The following CFAP44 variants were observed in gnomAD, a reference collection of about 807,000 sequenced individuals.
The protein encoded by CFAP44 is cilia- and flagella-associated protein 44.
Under a neutral mutation model 216.2 loss-of-function variants are expected in CFAP44, and 134 were observed. That is an observed-to-expected ratio of 0.62 (90% confidence interval 0.54 to 0.72). The LOEUF (loss-of-function observed/expected upper bound fraction) is 0.72, where lower values mean the gene tolerates loss of function less well. Among genes scored for constraint, CFAP44 ranks in the 30% least tolerant of loss-of-function variants. CFAP44 has a pLI of 0.00. For missense variants in CFAP44, 2,035 were observed against 2,182.1 expected, an observed-to-expected ratio of 0.93 and a Z score of 1.34; for synonymous variants, 700 against 727.6, an observed-to-expected ratio of 0.96 and a Z score of 0.61.
intron 32 of CFAP44, among the ~76,000 whole-genome samples, chr3:113,300,085 C>T (rs866145955): frequency 2.6e-5 from 4 of 152,154 alleles, no homozygotes; most frequent in Admixed American, 1.3e-4. Flanking sequence ...GAAGTCATTA[C>T]ATTAAGTGAA....
At chr3:113,319,503 C>T (rs765406691) in intron 28 of CFAP44, among the ~76,000 whole-genome samples, 9 of 152,044 alleles carry the variant, frequency 5.9e-5, no homozygotes, top group Admixed American at 3.9e-4. Flanking sequence ...CCTCAACATC[C>T]CACTGACAGC....
At position 113,330,073 on chromosome 3, in the gene CFAP44, A is replaced by T; in HGVS notation, c.4116+95T>A. ...GTCAGGGTTTGGGAAAGGTTCATGC[A>T]GAGAAATTTTAAATAAATAAACAAA... On this transcript the variant is annotated intron_variant, in intron 26 of 34. Coordinates refer to ENST00000393845, the MANE Select transcript of CFAP44 (RefSeq NM_001164496.2). The T allele has an allele frequency of 3.6e-6, 5 of 1,406,238 alleles. No homozygotes were observed. The South Asian group carries it at 7.8e-5, about 22-fold the overall frequency. The allele number at this position is 1,406,238 out of a possible 1,614,324, so 87.1% of individuals were successfully genotyped here.
At chr3:113,320,568 T>C (rs949953739) in intron 28 of CFAP44, among the ~76,000 whole-genome samples, 2 of 148,900 alleles carry the variant, frequency 1.3e-5, no homozygotes, top group Non-Finnish European at 3.0e-5. Flanking sequence ...TATATGTATA[T>C]ATAATGAAGT....
rs549997269 is a variant in CFAP44 at position 113,400,112 on chromosome 3, T to C, written c.1475-112A>G. The C allele has an allele frequency of 1.6e-5, 10 of 626,838 alleles. No individual in the cohort carries two copies. In the South Asian group the frequency reaches 3.3e-4, roughly 21 times the overall value. 38.8% of individuals were successfully genotyped at this position (626,838 alleles called of 1,614,324 possible). A position where few individuals can be genotyped will look rare whatever the true frequency, so the allele number is the denominator to read the frequency against. ...ACAAGAAATTTCTTAACTAAATCAG[T>C]CAATAACTTTCTTTTGTAAAAAATT... On this transcript the variant is annotated intron_variant, in intron 12 of 34. Transcript: ENST00000393845.
chr3:113,325,163 G>A (rs1027990909), intron 28 of CFAP44, among the ~76,000 whole-genome samples: 27 of 151,528 alleles, frequency 1.8e-4, no homozygotes, highest in Admixed American at 2.6e-4. Flanking sequence ...TTAGCCAGGC[G>A]TGGTGGTGGG....
At position 113,374,399 on chromosome 3, in the gene CFAP44, A is replaced by ATTTATTTATTTAT. The variant is rs137984476; in HGVS notation, c.2299-844_2299-843insATAAATAAATAAA. On this transcript the variant is annotated intron_variant, in intron 17 of 34. Coordinates refer to ENST00000393845, the MANE Select transcript of CFAP44 (RefSeq NM_001164496.2). The stretch of plus-strand genomic sequence containing the variant: ...TATTTATTTATTTATTTATTTATTT[A>ATTTATTTATTTAT]TTATTATACTTTAAGTTCCAGGGTA... 4.1e-5 allele frequency among the ~76,000 whole-genome samples: 6 copies of ATTTATTTATTTAT among 146,672 alleles called. No individual in the cohort carries two copies. The South Asian group carries it at 1.3e-3, about 32-fold the overall frequency.
chr3:113,407,059 A>C lies in CFAP44; in HGVS notation c.891-18T>G. ...CCCAGAACCTACAAACAAGAAAGAG[A>C]CTGAATGTACCTCAAAGATATTTTA... On this transcript the variant is annotated intron_variant, in intron 7 of 34. Transcript: ENST00000393845. The C allele has an allele frequency of 6.4e-7, 1 of 1,551,126 alleles. No homozygotes were observed. Among genetic ancestry groups the C allele is most frequent in the Non-Finnish European group, 8.9e-7 (1 of 1,123,058 alleles).
At chr3:113,414,883 G>C (rs1934602057) in intron 6 of CFAP44, among the ~76,000 whole-genome samples, 1 of 152,140 alleles carries the variant, frequency 6.6e-6, no homozygotes. Flanking sequence ...CGTAAAATGA[G>C]TTAGGAAGGA....
rs369205486 is a variant in CFAP44, at chr3:113,426,072, G to A, written c.407+52C>T. 4 of 1,594,024 alleles carry A rather than the reference G, an allele frequency of 2.5e-6. No homozygotes were observed. The African/African-American group carries it at 5.4e-5, about 22-fold the overall frequency. On this transcript the variant is annotated intron_variant, in intron 4 of 34. Coordinates refer to ENST00000393845, the MANE Select transcript of CFAP44 (RefSeq NM_001164496.2). ...CCTGGGCTATAGTTTGCTGACCTCTGACCTAAGAAATGAAAATCCCAAAAT... is the reference window on the plus strand; with the variant it reads ...CCTGGGCTATAGTTTGCTGACCTCTAACCTAAGAAATGAAAATCCCAAAAT...
chr3:113,327,697 A>T lies in CFAP44; in HGVS notation c.4239T>A (p.Leu1413=). 6.5e-7 allele frequency: 1 copy of T among 1,537,004 alleles called. No individual in the cohort carries two copies. The change falls in exon 27 of 35, where the codon CTT becomes CTA. Residue 1413 remains leucine, a synonymous_variant. Coordinates refer to ENST00000393845, the MANE Select transcript of CFAP44 (RefSeq NM_001164496.2). ...CCTGTTTTTCAAAATTCTTCAGGAG[A>T]AGTATTTCTTGAAATAAGGTGACAT... ...LHHVTLFQEI[L]LLKNFEKQEN... is the part of the protein sequence containing the mutation.
chr3:113,304,878 GACAGTGGATA>G (rs1210883406), intron 31 of CFAP44, among the ~76,000 whole-genome samples, 148 bp downstream of exon 31: 1 of 152,202 alleles, frequency 6.6e-6, no homozygotes, highest in African/African-American at 2.4e-5. Context: ...ATAACAATCT[GACAGTGGATA>G]AGACAAGTGT....
intron 34 of CFAP44, chr3:113,293,831 C>T (rs752292330): frequency 2.0e-5 from 6 of 293,174 alleles, no homozygotes; most frequent in Non-Finnish European, 4.1e-5. Flanking sequence ...TTGTTTAGAC[C>T]AGTGATTCTT....
intron 28 of CFAP44, among the ~76,000 whole-genome samples, chr3:113,316,336 A>G (rs1950086543): frequency 6.6e-6 from 1 of 152,222 alleles, no homozygotes; most frequent in South Asian, 2.1e-4. Flanking sequence ...TTAGAAAAGA[A>G]GAAAAATATC....
chr3:113,310,062 C>A (rs1950023710), intron 28 of CFAP44, among the ~76,000 whole-genome samples: 1 of 152,208 alleles, frequency 6.6e-6, no homozygotes, highest in African/African-American at 2.4e-5. Flanking sequence ...TCCACCCTCA[C>A]AGGGCTGTAA....
At chr3:113,353,950 G>T (rs942299380) in intron 22 of CFAP44, among the ~76,000 whole-genome samples, 3 of 152,148 alleles carry the variant, frequency 2.0e-5, no homozygotes, top group South Asian at 2.1e-4. Context: ...AATAGCTTGT[G>T]TTCCCATAAA....
intron 6 of CFAP44, among the ~76,000 whole-genome samples, chr3:113,411,481 C>T (rs1339549264): frequency 6.6e-6 from 1 of 152,108 alleles, no homozygotes; most frequent in Non-Finnish European, 1.5e-5. Flanking sequence ...TTTCTGAGGG[C>T]TCTGTTCTGC....
At chr3:113,404,098 AT>A in intron 8 of CFAP44, 82 bp from the exon 9 acceptor site, 4 of 1,383,470 alleles carry the variant, frequency 2.9e-6, no homozygotes, top group South Asian at 1.9e-5. Context: ...GGTGAAAATT[AT>A]TTTTTAAGGT....
intron 8 of CFAP44, among the ~76,000 whole-genome samples, chr3:113,405,881 A>C (rs1344644471): frequency 6.6e-6 from 1 of 152,222 alleles, no homozygotes; most frequent in Non-Finnish European, 1.5e-5. Flanking sequence ...ATTTAGACAT[A>C]TAGTTTCGCC....
At chr3:113,313,347 C>T (rs1478755279) in intron 28 of CFAP44, among the ~76,000 whole-genome samples, 1 of 152,088 alleles carries the variant, frequency 6.6e-6, no homozygotes, top group Non-Finnish European at 1.5e-5. Context: ...ATACCTGTAG[C>T]CCCATATTAT....
Sources: gnomAD v4.1 joint callset for allele counts (sites outside exome capture counted in the v4.1 genomes callset) on GRCh38, gnomAD v4.1.1 for gene constraint, MANE v1.5 for transcripts, NCBI Gene and HGNC (gene_info 2026-07-23, HGNC 2026-07-21) for gene names.